Variants in SS18 observed in about 807,000 individuals in gnomAD.
The protein encoded by SS18 is protein SSXT.
In SS18, 28 loss-of-function variants were observed where a neutral mutation model predicts 72.5. The ratio of observed to expected loss-of-function variants is 0.39; its 90% CI spans 0.29 to 0.53. The LOEUF is 0.53. Among genes scored for constraint, SS18 ranks in the 20% least tolerant of loss-of-function variants. The probability of loss-of-function intolerance (pLI) is 0.76; values close to 1 mark genes in which losing one functional copy is unlikely to be tolerated. For synonymous variants in SS18, 172 were observed against 164.2 expected (o/e 1.05, Z -0.37); for missense variants, 518 against 535.3 (o/e 0.97, Z 0.32).
intron 2 of SS18, among the ~76,000 whole-genome samples, chr18:26,081,979 G>C (rs1487576489): frequency 6.6e-6 from 1 of 151,932 alleles, no homozygotes; most frequent in Non-Finnish European, 1.5e-5. Context: ...GATCACTTGA[G>C]AACAGGAGGT....
At chr18:26,083,278 A>G (rs1243879695) in intron 2 of SS18, among the ~76,000 whole-genome samples, 1 of 152,138 alleles carries the variant, frequency 6.6e-6, no homozygotes, top group Non-Finnish European at 1.5e-5. Context: ...TATCTGAAAA[A>G]GTTGAAAATT....
At chr18:26,073,835 C>T (rs1009744114) in intron 3 of SS18, among the ~76,000 whole-genome samples, 1 of 152,154 alleles carries the variant, frequency 6.6e-6, no homozygotes, top group Non-Finnish European at 1.5e-5. Context: ...GCCAGCTGAA[C>T]TAGGCACCGT....
intron 3 of SS18, among the ~76,000 whole-genome samples, 188 bp from the exon 4 acceptor site, chr18:26,057,930 TATAAA>T (rs1842678977): frequency 6.6e-6 from 1 of 152,244 alleles, no homozygotes; most frequent in African/African-American, 2.4e-5. Context: ...ATATTTACTT[TATAAA>T]ATCTCAGTAG....
intron 10 of SS18, among the ~76,000 whole-genome samples, chr18:26,019,789 C>CAAAAAA (rs869179852): frequency 4.8e-5 from 3 of 62,566 alleles, no homozygotes; most frequent in Non-Finnish European, 5.9e-5. Flanking sequence ...AACTCTGTCT[C>CAAAAAA]AAAAAAAAAA....
At chr18:26,026,668 A>G (rs898366553) in intron 10 of SS18, among the ~76,000 whole-genome samples, 3 of 152,076 alleles carry the variant, frequency 2.0e-5, no homozygotes, top group African/African-American at 7.2e-5. Context: ...AACATGGGGG[A>G]GCATTCAGAT....
At chr18:26,039,580 T>C in intron 5 of SS18, 124 bp from the exon 6 acceptor site, 1 of 818,750 alleles carries the variant, frequency 1.2e-6, no homozygotes, top group Non-Finnish European at 1.7e-6. Flanking sequence ...TAAAAACTGA[T>C]TTCAAATAAT....
At chr18:26,020,022 A>C (rs1167265668) in intron 10 of SS18, among the ~76,000 whole-genome samples, 1 of 152,122 alleles carries the variant, frequency 6.6e-6, no homozygotes, top group African/African-American at 2.4e-5. Flanking sequence ...ATGGGTACAC[A>C]GGGGTTCACT....
chr18:26,049,556 A>C (rs959492404), intron 5 of SS18, among the ~76,000 whole-genome samples: 2 of 152,174 alleles, frequency 1.3e-5, no homozygotes, highest in Admixed American at 6.5e-5. Flanking sequence ...TCTGTCACCC[A>C]AGCTGGAGTG....
chr18:26,049,984 C>A (rs181021511), intron 5 of SS18, among the ~76,000 whole-genome samples: 4 of 152,312 alleles, frequency 2.6e-5, no homozygotes, highest in East Asian at 3.9e-4. Context: ...CAGTGGCTTG[C>A]GCCTGTAATC....
intron 6 of SS18, 66 bp from the exon 7 acceptor site, chr18:26,038,725 T>A: frequency 7.5e-7 from 1 of 1,329,912 alleles, no homozygotes; most frequent in Non-Finnish European, 1.1e-6. Context: ...GCTTTCTTTC[T>A]AATTTGATAT....
chr18:26,079,465 T>A (rs1334423769), intron 2 of SS18, among the ~76,000 whole-genome samples: 2 of 152,182 alleles, frequency 1.3e-5, no homozygotes, highest in Admixed American at 6.5e-5. Context: ...AAATACAAAT[T>A]AAAATAATAA....
intron 3 of SS18, among the ~76,000 whole-genome samples, chr18:26,066,187 T>C (rs907087373): frequency 6.6e-6 from 1 of 152,072 alleles, no homozygotes; most frequent in South Asian, 2.1e-4. Flanking sequence ...TTAAGTTCTT[T>C]AAGGACTGCG....
At chr18:26,058,919 T>C (rs183076482) in intron 3 of SS18, among the ~76,000 whole-genome samples, 5 of 152,162 alleles carry the variant, frequency 3.3e-5, no homozygotes, top group Non-Finnish European at 7.4e-5. Context: ...AAAACACTAA[T>C]TTGAGTCATA....
chr18:26,047,258 C>CAA (rs2053839768), intron 5 of SS18, among the ~76,000 whole-genome samples: 1 of 79,492 alleles, frequency 1.3e-5, no homozygotes, highest in African/African-American at 7.4e-5. Context: ...AAGTAATATG[C>CAA]CAAAAAAAAA....
chr18:26,075,188 T>C (rs1235340861), intron 3 of SS18, among the ~76,000 whole-genome samples: 1 of 151,828 alleles, frequency 6.6e-6, no homozygotes. Context: ...TTCTTCTGGA[T>C]AAGAAAAAGT....
chr18:26,016,704 C>T lies in SS18; in HGVS notation c.*1650G>A, dbSNP rs2053257603. 4.9e-6 allele frequency: 1 copy of T among 204,796 alleles called. No individual in the cohort carries two copies. The allele number at this position is 204,796 out of a possible 1,614,324, so 12.7% of individuals were successfully genotyped here. A position where few individuals can be genotyped will look rare whatever the true frequency, so the allele number is the denominator to read the frequency against. ...CGCCACTGCACTCCAGCCTGGGCGA[C>T]AAGAGCAAGACTCCATCTCAAAAAA... is the stretch of plus-strand genomic sequence containing the variant. On this transcript the variant is annotated 3_prime_UTR_variant, in exon 11 of 11. Transcript: ENST00000415083.
intron 1 of SS18, 123 bp downstream of exon 1, chr18:26,090,378 G>A: frequency 1.0e-6 from 1 of 962,396 alleles, no homozygotes; most frequent in Non-Finnish European, 1.6e-6. Flanking sequence ...CCCAAACACT[G>A]CTGATTCCCA....
rs947399455 is a variant in SS18, at chr18:26,016,919, G to A, written c.*1435C>T. Reference sequence around the variant, plus strand: ...CCTTCTGTTTTGTTTCCAGTTAGACGTGGGAAAAACCAATTCAATTATAAA... The same window carrying A: ...CCTTCTGTTTTGTTTCCAGTTAGACATGGGAAAAACCAATTCAATTATAAA... On this transcript the variant is annotated 3_prime_UTR_variant, in exon 11 of 11. Coordinates refer to ENST00000415083, the MANE Select transcript of SS18 (RefSeq NM_001007559.3). The A allele has an allele frequency of 3.6e-5, 8 of 224,866 alleles. No individual in the cohort carries two copies. Among genetic ancestry groups the A allele is most frequent in the Admixed American group, 1.7e-4 (3 of 17,426 alleles). 13.9% of individuals were successfully genotyped at this position (224,866 alleles called of 1,614,324 possible).
chr18:26,037,455 TA>T (rs1399007040), intron 7 of SS18, among the ~76,000 whole-genome samples: 1 of 152,116 alleles, frequency 6.6e-6, no homozygotes, highest in African/African-American at 2.4e-5. Flanking sequence ...ACAATCTTAC[TA>T]AAGTTTTTAA....
Sources: gnomAD v4.1 joint callset for allele counts (sites outside exome capture counted in the v4.1 genomes callset) on GRCh38, gnomAD v4.1.1 for gene constraint, MANE v1.5 for transcripts, NCBI Gene and HGNC (gene_info 2026-07-23, HGNC 2026-07-21) for gene names.